PLCB4: variants seen among roughly 807,000 people sequenced by gnomAD.
PLCB4 encodes the protein phospholipase C beta 4.
PLCB4 carries 77 observed loss-of-function variants against 178.8 expected under a neutral mutation model. The observed-to-expected ratio is 0.43, with a 90% CI of 0.36 to 0.52. PLCB4 has a LOEUF of 0.52. Among genes scored for constraint, PLCB4 ranks in the 20% least tolerant of loss-of-function variants. The pLI is 0.00. For missense variants in PLCB4, 1,024 were observed against 1,453.4 expected, an observed-to-expected ratio of 0.70 and a Z score of 4.80; for synonymous variants, 496 against 490.8, an observed-to-expected ratio of 1.01 and a Z score of -0.14.
rs553602238 is a variant in PLCB4 at position 9,156,143 on chromosome 20, A to G, written c.-79+59801A>G. 2.6e-5 allele frequency among the ~76,000 whole-genome samples: 4 copies of G among 152,306 alleles called. No individual in the cohort carries two copies. The South Asian group carries it at 6.2e-4, about 24-fold the overall frequency. ...GTACACTTTCAGTGCTTCTTCAGTC[A>G]TCTGCCATGGGTACTTCTGTTCTTC... On this transcript the variant is annotated intron_variant, in intron 2 of 39. Transcript: ENST00000378473.
chr20:9,393,671 T>C lies in PLCB4; in HGVS notation c.1407T>C (p.Val469=). Residue 469 remains valine, a synonymous_variant, in exon 18 of 40, where the codon GTT becomes GTC. Coordinates refer to ENST00000378473, the MANE Select transcript of PLCB4 (RefSeq NM_001377142.1). ...AAAACAAGCGGCTGAAACCTGAAGTTGAAAAAAGTAAGTGAAACACACACA... is the reference window on the plus strand; with the variant it reads ...AAAACAAGCGGCTGAAACCTGAAGTCGAAAAAAGTAAGTGAAACACACACA... ...LIKNKRLKPE[V]EKKQLEALRS... 2 of 1,601,262 alleles carry C rather than the reference T, an allele frequency of 1.2e-6. No homozygotes were observed. The highest frequency in any genetic ancestry group is 1.7e-6 in the Non-Finnish European group (2 of 1,168,478).
At chr20:9,408,836 G>A (rs1192991408) in intron 23 of PLCB4, 119 bp downstream of exon 23, 1 of 705,634 alleles carries the variant, frequency 1.4e-6, no homozygotes, top group Non-Finnish European at 2.5e-6. Flanking sequence ...ATGATATGTG[G>A]GAAAGACCAT....
At chr20:9,321,221 G>A (rs1282540461) in intron 4 of PLCB4, among the ~76,000 whole-genome samples, 1 of 152,162 alleles carries the variant, frequency 6.6e-6, no homozygotes, top group Non-Finnish European at 1.5e-5. Flanking sequence ...TTACAGATGA[G>A]GAAAGAGAAG....
At chr20:9,272,783 G>A (rs1441430361) in intron 3 of PLCB4, among the ~76,000 whole-genome samples, 3 of 151,950 alleles carry the variant, frequency 2.0e-5, no homozygotes, top group Non-Finnish European at 4.4e-5. Context: ...GGTGATATCA[G>A]ACAAGGTCAG....
intron 2 of PLCB4, among the ~76,000 whole-genome samples, chr20:9,136,555 G>A (rs904437328): frequency 6.6e-6 from 1 of 152,036 alleles, no homozygotes; most frequent in African/African-American, 2.4e-5. Flanking sequence ...CTACAAAAGA[G>A]GGTTTCAGTT....
chr20:9,446,916 C>A (rs1191740427), intron 32 of PLCB4, among the ~76,000 whole-genome samples: 31 of 152,144 alleles, frequency 2.0e-4, no homozygotes, highest in Admixed American at 2.0e-3. Context: ...ACAACAACAA[C>A]AAAAACATGT....
Position 9,085,069 on chromosome 20 carries a change from G to GAC in PLCB4, c.-134-11217_-134-11216insCA, listed in dbSNP as rs1555813573. Among the ~76,000 whole-genome samples, 3 of 106,128 alleles carry GAC rather than the reference G, an allele frequency of 2.8e-5. 1 individual carries two copies. The highest frequency in any genetic ancestry group is 6.5e-5 in the Non-Finnish European group (3 of 45,804). The allele number at this position is 106,128 out of a possible 152,430, so 69.6% of individuals were successfully genotyped here. A position where few individuals can be genotyped will look rare whatever the true frequency, so the allele number is the denominator to read the frequency against. ...CTCCATCTCAAAAAAAAAAAAAAAA[G>GAC]AATATATTACTTTTTCTTTTTCCAA... On this transcript the variant is annotated intron_variant, in intron 1 of 39. Transcript: ENST00000378473.
chr20:9,076,192 C>T (rs908631560), intron 1 of PLCB4, among the ~76,000 whole-genome samples: 5 of 152,080 alleles, frequency 3.3e-5, no homozygotes, highest in African/African-American at 4.8e-5. Context: ...CCTGGCCGGG[C>T]GCGATGGCTC....
At chr20:9,298,727 A>T (rs1055708601) in intron 3 of PLCB4, among the ~76,000 whole-genome samples, 43 of 152,128 alleles carry the variant, frequency 2.8e-4, no homozygotes, top group African/African-American at 9.6e-4. Flanking sequence ...TAATATTTTT[A>T]TTCATCTATT....
chr20:9,088,178 CTTTTTTT>C (rs10554943), intron 1 of PLCB4, among the ~76,000 whole-genome samples: 59 of 99,196 alleles, frequency 5.9e-4, no homozygotes, highest in Middle Eastern at 5.3e-3. Context: ...CTTTTCTTTT[CTTTTTTT>C]TTTTTTTTTT....
At chr20:9,363,034 A>AAG in intron 8 of PLCB4, 59 bp downstream of exon 8, 3 of 1,194,298 alleles carry the variant, frequency 2.5e-6, no homozygotes, top group Non-Finnish European at 3.7e-6. Flanking sequence ...TGGTCAGATG[A>AAG]AGAGATGAAG....
chr20:9,212,832 C>CT (rs960406956), intron 2 of PLCB4, among the ~76,000 whole-genome samples: 1 of 152,042 alleles, frequency 6.6e-6, no homozygotes, highest in Non-Finnish European at 1.5e-5. Context: ...GTATTATAGC[C>CT]TTTTTTTAAA....
intron 2 of PLCB4, among the ~76,000 whole-genome samples, chr20:9,113,831 G>A (rs1407851505): frequency 6.6e-6 from 1 of 152,114 alleles, no homozygotes. Context: ...CAAACAAATT[G>A]AGTCAGACAT....
chr20:9,164,195 G>C (rs1028574049), intron 2 of PLCB4, among the ~76,000 whole-genome samples: 1 of 152,152 alleles, frequency 6.6e-6, no homozygotes, highest in African/African-American at 2.4e-5. Flanking sequence ...ATTAAACAGT[G>C]ACTGTTTCAC....
intron 20 of PLCB4, among the ~76,000 whole-genome samples, chr20:9,404,044 T>C (rs1448414343): frequency 2.6e-5 from 4 of 152,176 alleles, no homozygotes; most frequent in Admixed American, 2.6e-4. Context: ...AATGGACTGG[T>C]GGCCAAGGGC....
At chr20:9,368,916 T>C (rs986759370) in intron 9 of PLCB4, among the ~76,000 whole-genome samples, 3 of 152,180 alleles carry the variant, frequency 2.0e-5, no homozygotes, top group Non-Finnish European at 4.4e-5. Flanking sequence ...ACCAGTTAGC[T>C]ATGAGGCACT....
intron 4 of PLCB4, among the ~76,000 whole-genome samples, chr20:9,322,911 A>G (rs1023436305): frequency 6.6e-6 from 1 of 152,336 alleles, no homozygotes; most frequent in South Asian, 2.1e-4. Flanking sequence ...CTTAACACCC[A>G]CCAAGCACTA....
chr20:9,222,389 AG>A (rs1371853901), intron 3 of PLCB4, among the ~76,000 whole-genome samples: 1 of 152,140 alleles, frequency 6.6e-6, no homozygotes, highest in African/African-American at 2.4e-5. Context: ...TACTGTGCCC[AG>A]CCCTCTTGGG....
At chr20:9,099,921 G>A (rs945783522) in intron 2 of PLCB4, among the ~76,000 whole-genome samples, 4 of 152,090 alleles carry the variant, frequency 2.6e-5, no homozygotes, top group African/African-American at 9.7e-5. Context: ...TCCCCATTTG[G>A]GCTACCTGGT....
Sources: gnomAD v4.1 joint callset for allele counts (sites outside exome capture counted in the v4.1 genomes callset) on GRCh38, gnomAD v4.1.1 for gene constraint, MANE v1.5 for transcripts, NCBI Gene and HGNC (gene_info 2026-07-23, HGNC 2026-07-21) for gene names.